NOS1AP: variants seen among roughly 807,000 people sequenced by gnomAD.
NOS1AP encodes carboxyl-terminal PDZ ligand of neuronal nitric oxide synthase protein.
Under a neutral mutation model 56.2 loss-of-function variants are expected in NOS1AP, and 21 were observed. The observed-to-expected ratio is 0.37, with a 90% confidence interval of 0.26 to 0.54. The LOEUF (loss-of-function observed/expected upper bound fraction) is 0.54. Among genes scored for constraint, NOS1AP ranks in the 20% least tolerant of loss-of-function variants. NOS1AP has a pLI of 0.84. For missense variants in NOS1AP, 522 were observed against 657.8 expected (o/e 0.79, Z 2.26); for synonymous variants, 270 against 274.6 (o/e 0.98, Z 0.17).
intron 2 of NOS1AP, among the ~76,000 whole-genome samples, chr1:162,223,590 A>G (rs963625099): frequency 2.0e-5 from 3 of 152,202 alleles, no homozygotes; most frequent in Non-Finnish European, 4.4e-5. Flanking sequence ...TCAGGGGTTA[A>G]TTAAACTGAT....
chr1:162,096,266 A>G (rs1191507519), intron 1 of NOS1AP, among the ~76,000 whole-genome samples: 1 of 152,198 alleles, frequency 6.6e-6, no homozygotes, highest in Non-Finnish European at 1.5e-5. Context: ...AGCTCCAATG[A>G]TGGGGAAGTC....
At chr1:162,258,284 A>C (rs189898168) in intron 2 of NOS1AP, among the ~76,000 whole-genome samples, 189 of 152,362 alleles carry the variant, frequency 1.2e-3, no homozygotes, top group African/African-American at 4.4e-3. Context: ...CCATGAGAGC[A>C]GGAAGCATGT....
intron 2 of NOS1AP, among the ~76,000 whole-genome samples, chr1:162,177,173 AG>A (rs1651091149): frequency 6.6e-6 from 1 of 152,126 alleles, no homozygotes; most frequent in Admixed American, 6.5e-5. Context: ...TTAATCCAGG[AG>A]GTGATATGGG....
chr1:162,228,852 A>T (rs1293391350), intron 2 of NOS1AP, among the ~76,000 whole-genome samples: 1 of 152,268 alleles, frequency 6.6e-6, no homozygotes, highest in Non-Finnish European at 1.5e-5. Context: ...AAATGATGGT[A>T]AAACAAGAGA....
At chr1:162,133,434 A>T (rs575945253) in intron 1 of NOS1AP, among the ~76,000 whole-genome samples, 7 of 152,242 alleles carry the variant, frequency 4.6e-5, no homozygotes, top group Admixed American at 4.6e-4. Flanking sequence ...TTATAGTTTT[A>T]TCTAAAAGTC....
chr1:162,214,575 C>A (rs775263502), intron 2 of NOS1AP, among the ~76,000 whole-genome samples: 16 of 152,076 alleles, frequency 1.1e-4, no homozygotes, highest in Non-Finnish European at 2.4e-4. Flanking sequence ...TTTTTCTTAA[C>A]CTTTCCATCA....
chr1:162,346,880 G>A (rs958703790), intron 6 of NOS1AP, among the ~76,000 whole-genome samples: 1 of 152,064 alleles, frequency 6.6e-6, no homozygotes, highest in Non-Finnish European at 1.5e-5. Flanking sequence ...TCACACAGAC[G>A]GAGCCTTGCA....
At chr1:162,276,694 A>C (rs922780183) in intron 2 of NOS1AP, among the ~76,000 whole-genome samples, 23 of 152,178 alleles carry the variant, frequency 1.5e-4, no homozygotes, top group Non-Finnish European at 5.9e-5. Flanking sequence ...ACCCCGAGGA[A>C]ATATTGCCAC....
chr1:162,291,671 G>A (rs916445837), intron 3 of NOS1AP, among the ~76,000 whole-genome samples: 2 of 152,074 alleles, frequency 1.3e-5, no homozygotes, highest in Non-Finnish European at 2.9e-5. Context: ...CATCTTTTTG[G>A]TTATAATAAC....
intron 2 of NOS1AP, among the ~76,000 whole-genome samples, chr1:162,215,555 TG>T (rs1487304306): frequency 6.6e-6 from 1 of 152,236 alleles, no homozygotes; most frequent in Non-Finnish European, 1.5e-5. Flanking sequence ...TGGCAGGCAC[TG>T]TATTATGCTT....
At chr1:162,151,077 A>G (rs544319113) in intron 1 of NOS1AP, among the ~76,000 whole-genome samples, 1 of 152,208 alleles carries the variant, frequency 6.6e-6, no homozygotes, top group Admixed American at 6.5e-5. Context: ...TTTTCTTTTA[A>G]CAGTTTCATA....
chr1:162,311,948 T>G (rs1656046703), intron 4 of NOS1AP, among the ~76,000 whole-genome samples: 1 of 120,468 alleles, frequency 8.3e-6, no homozygotes, highest in Non-Finnish European at 1.7e-5. Flanking sequence ...TTCCATGGTG[T>G]ATATGTGCCA....
intron 6 of NOS1AP, among the ~76,000 whole-genome samples, chr1:162,345,341 G>A (rs1272309870): frequency 8.0e-6 from 1 of 125,452 alleles, no homozygotes; most frequent in Non-Finnish European, 1.6e-5. Flanking sequence ...AGAGTGTGAT[G>A]TTCCCCTTCC....
chr1:162,336,948 G>A (rs958238258), intron 5 of NOS1AP, among the ~76,000 whole-genome samples: 1 of 152,218 alleles, frequency 6.6e-6, no homozygotes, highest in African/African-American at 2.4e-5. Flanking sequence ...TCCTCACTGT[G>A]AGCATCCAGT....
intron 2 of NOS1AP, among the ~76,000 whole-genome samples, chr1:162,155,392 T>TAGAC (rs1553190443): frequency 2.1e-5 from 3 of 145,970 alleles, no homozygotes; most frequent in Non-Finnish European, 4.5e-5. Context: ...CTTATATATA[T>TAGAC]AGAGAGCTCA....
At chr1:162,183,288 A>G (rs1198487117) in intron 2 of NOS1AP, among the ~76,000 whole-genome samples, 1 of 152,168 alleles carries the variant, frequency 6.6e-6, no homozygotes, top group East Asian at 1.9e-4. Context: ...TATTCAGTAA[A>G]CCATGCTGTA....
chr1:162,322,168 G>T (rs1413903977), intron 4 of NOS1AP, among the ~76,000 whole-genome samples: 4 of 152,174 alleles, frequency 2.6e-5, no homozygotes, highest in Non-Finnish European at 5.9e-5. Context: ...TGACCTGAGG[G>T]TGGGGCAGGT....
intron 4 of NOS1AP, among the ~76,000 whole-genome samples, chr1:162,310,389 G>A (rs1271852833): frequency 6.6e-6 from 1 of 152,190 alleles, no homozygotes; most frequent in African/African-American, 2.4e-5. Flanking sequence ...AGCAGCCTTT[G>A]CTAAACTGAG....
chr1:162,342,147 C>A (rs1440731169), intron 5 of NOS1AP, among the ~76,000 whole-genome samples: 2 of 152,178 alleles, frequency 1.3e-5, no homozygotes, highest in Admixed American at 1.3e-4. Flanking sequence ...TGATGGTGGA[C>A]CCCACAGAAG....
Sources: allele counts gnomAD v4.1 joint callset (sites outside exome capture counted in the v4.1 genomes callset), GRCh38; gene constraint gnomAD v4.1.1; transcripts MANE v1.5; gene names NCBI Gene and HGNC (gene_info 2026-07-23, HGNC 2026-07-21).